Variants in ZHX3 observed in about 807,000 individuals in gnomAD.
The protein encoded by ZHX3 is zinc fingers and homeoboxes 3.
In ZHX3, 20 loss-of-function variants were observed where a neutral mutation model predicts 64.5. The ratio of observed to expected loss-of-function variants is 0.31; its 90% CI spans 0.22 to 0.45. The LOEUF (loss-of-function observed/expected upper bound fraction) is 0.45. Ranked by LOEUF, ZHX3 falls within the 20% of genes least tolerant of loss-of-function variation. The probability of loss-of-function intolerance (pLI) is 1.00; values close to 1 mark genes in which losing one functional copy is unlikely to be tolerated. For missense variants in ZHX3, 1,041 were observed against 1,195.8 expected, an observed-to-expected ratio of 0.87 and a Z score of 1.91; for synonymous variants, 423 against 461.6, an observed-to-expected ratio of 0.92 and a Z score of 1.07.
Position 41,203,100 on chromosome 20 carries a change from T to C in ZHX3, c.1817A>G (p.His606Arg). Residue 606 changes from histidine (H) to arginine (R), a missense_variant, in exon 3 of 4, where the codon CAC becomes CGC. This residue lies in a region of ZHX3 where 649 missense variants were observed against 739.8 expected (regional missense o/e 0.88). Transcript: ENST00000683867. The surrounding 1 kb of genome is among the most constrained non-coding windows in gnomAD (Gnocchi z 7.1). Reference protein sequence around the residue: ...THPSAKRQSWHQTPDFTPTKY... With the variant: ...THPSAKRQSWRQTPDFTPTKY... ...GGTTGGTGTGAAGTCAGGAGTCTGG[T>C]GCCAAGATTGTCGTTTGGCAGAAGG... 6.2e-7 allele frequency: 1 copy of C among 1,614,124 alleles called. No individual in the cohort carries two copies. Among genetic ancestry groups the C allele is most frequent in the Non-Finnish European group, 8.5e-7 (1 of 1,180,006 alleles).
chr20:41,223,776 A>G (rs981342173), intron 2 of ZHX3, among the ~76,000 whole-genome samples: 1 of 152,236 alleles, frequency 6.6e-6, no homozygotes. Context: ...AAATGTTAGC[A>G]TATTTCCCAA....
intron 1 of ZHX3, among the ~76,000 whole-genome samples, chr20:41,307,679 A>G (rs1289904844): frequency 6.6e-6 from 1 of 152,248 alleles, no homozygotes; most frequent in Non-Finnish European, 1.5e-5. Context: ...ATGATGCCTT[A>G]GTAAACATAA....
intron 1 of ZHX3, among the ~76,000 whole-genome samples, chr20:41,302,010 C>T (rs1388525639): frequency 7.3e-6 from 1 of 137,520 alleles, no homozygotes; most frequent in Non-Finnish European, 1.5e-5. Flanking sequence ...GCCGAGACTG[C>T]GCCACTGCAC....
intron 1 of ZHX3, among the ~76,000 whole-genome samples, chr20:41,284,846 C>T (rs1031313038): frequency 6.6e-6 from 1 of 152,156 alleles, no homozygotes; most frequent in Non-Finnish European, 1.5e-5. Context: ...AAGCTCCATC[C>T]TACCCCCTAC....
At chr20:41,221,016 T>C (rs1568847717) in intron 2 of ZHX3, among the ~76,000 whole-genome samples, 1 of 152,036 alleles carries the variant, frequency 6.6e-6, no homozygotes, top group Non-Finnish European at 1.5e-5. Context: ...AAAAACGTGA[T>C]TTTTTGGAAA....
chr20:41,307,826 T>C (rs1322312374), intron 1 of ZHX3, among the ~76,000 whole-genome samples: 1 of 152,232 alleles, frequency 6.6e-6, no homozygotes, highest in African/African-American at 2.4e-5. Context: ...CTCTCTTTCA[T>C]CTGTGATCCT....
At chr20:41,255,032 G>A (rs575908063) in intron 2 of ZHX3, among the ~76,000 whole-genome samples, 8 of 152,188 alleles carry the variant, frequency 5.3e-5, no homozygotes, top group African/African-American at 1.4e-4. Context: ...TCAGAAAAGG[G>A]GAAGAAAAAG....
intron 1 of ZHX3, among the ~76,000 whole-genome samples, chr20:41,304,717 A>G (rs1332640028): frequency 6.6e-6 from 1 of 152,210 alleles, no homozygotes; most frequent in East Asian, 1.9e-4. Flanking sequence ...TGGAGGCAAG[A>G]ATTGCTGTTG....
chr20:41,205,400 A>G (rs2038619338), intron 2 of ZHX3, among the ~76,000 whole-genome samples: 1 of 152,180 alleles, frequency 6.6e-6, no homozygotes, highest in South Asian at 2.1e-4. Context: ...AATTCTGACC[A>G]TGTCAGAGTG....
chr20:41,294,312 A>G lies in ZHX3; in HGVS notation c.-245+23197T>C, dbSNP rs560799676. Among the ~76,000 whole-genome samples, 3 of 152,348 alleles carry G rather than the reference A, an allele frequency of 2.0e-5. No individual in the cohort carries two copies. The East Asian group carries it at 5.8e-4, about 29-fold the overall frequency. ...AAATTTTGTATGTAAATGATGTCATACCTTAAACTTATGAGTAAATGATGT... is the reference window on the plus strand; with the variant it reads ...AAATTTTGTATGTAAATGATGTCATGCCTTAAACTTATGAGTAAATGATGT... On this transcript the variant is annotated intron_variant, in intron 1 of 3. Transcript: ENST00000683867.
chr20:41,282,245 C>A (rs946943750), intron 1 of ZHX3, among the ~76,000 whole-genome samples: 8 of 152,004 alleles, frequency 5.3e-5, no homozygotes, highest in African/African-American at 1.9e-4. Flanking sequence ...ATGCCAAAGG[C>A]AATCACTTAA....
chr20:41,205,797 C>G (rs2038658918), intron 2 of ZHX3, among the ~76,000 whole-genome samples: 1 of 152,180 alleles, frequency 6.6e-6, no homozygotes, highest in Admixed American at 6.5e-5. Flanking sequence ...TGTGTACGAC[C>G]ACTCAAAGGG....
chr20:41,278,306 G>A (rs1158516077), intron 1 of ZHX3, among the ~76,000 whole-genome samples: 2 of 138,044 alleles, frequency 1.4e-5, no homozygotes, highest in Non-Finnish European at 3.2e-5. Flanking sequence ...TTGTGCCACT[G>A]TAACTCCAGC....
rs1314392479 is a variant in ZHX3, at chr20:41,232,412, A to G, written c.-150-27346T>C. ...TCTGAACTCATCTGTTATGCTGGGA[A>G]AGCAGCAAGTGGGTAGGGTGTGTTC... On this transcript the variant is annotated intron_variant, in intron 2 of 3. Transcript: ENST00000683867. This position sits in a 1 kb window ranked among gnomAD's most constrained non-coding sequence, Gnocchi z 5.0. Among the ~76,000 whole-genome samples the G allele has an allele frequency of 6.6e-6, 1 of 152,180 alleles. No homozygotes were observed. Among genetic ancestry groups the G allele is most frequent in the Admixed American group, 6.5e-5 (1 of 15,280 alleles).
intron 2 of ZHX3, among the ~76,000 whole-genome samples, chr20:41,215,442 TA>T (rs2039450908): frequency 6.6e-6 from 1 of 152,134 alleles, no homozygotes; most frequent in Admixed American, 6.5e-5. Context: ...GTTTTTTAGA[TA>T]AAAATCTTAA....
Position 41,202,445 on chromosome 20 carries a change from G to C in ZHX3, c.2472C>G (p.Leu824=). The C allele has an allele frequency of 6.2e-7, 1 of 1,614,202 alleles. No individual in the cohort carries two copies. The highest frequency in any genetic ancestry group is 1.3e-5 in the African/African-American group (1 of 75,060). Residue 824 remains leucine, a synonymous_variant, in exon 3 of 4, where the codon CTC becomes CTG. Transcript: ENST00000683867. The surrounding 1 kb of genome is among the most constrained non-coding windows in gnomAD (Gnocchi z 7.0). ...CTCGCTTATAGTCTTCGTACCATTT[G>C]AGTTGGCCGTTCTTCAGTGCGTACC... The part of the protein sequence containing the change: ...DSRYALKNGQ[L]KWYEDYKRGN...
At chr20:41,231,144 C>T (rs6102314) in intron 2 of ZHX3, among the ~76,000 whole-genome samples, 1,654 of 152,152 alleles carry the variant, frequency 0.011, 32 homozygotes, top group African/African-American at 0.038. Flanking sequence ...GGATTGGCTT[C>T]TTTCACTTAG....
Position 41,184,335 on chromosome 20 carries a change from TA to T in ZHX3, c.*855del, listed in dbSNP as rs531194560. 4.3e-4 allele frequency: 64 copies of T among 149,598 alleles called. No individual in the cohort carries two copies. Among genetic ancestry groups the T allele is most frequent in the African/African-American group, 1.2e-3 (47 of 40,862 alleles). The allele number at this position is 149,598 out of a possible 1,614,324, so 9.3% of individuals were successfully genotyped here. On this transcript the variant is annotated 3_prime_UTR_variant, in exon 4 of 4. Coordinates refer to ENST00000683867, the MANE Select transcript of ZHX3 (RefSeq NM_001384317.1). The stretch of plus-strand genomic sequence containing the variant: ...TCTCTCACTCCAAACATGTCTAGAT[TA>T]AAAAAAAAATGCAGGCACATAGGTC...
chr20:41,240,462 C>T (rs2041306027), intron 2 of ZHX3, among the ~76,000 whole-genome samples: 1 of 152,120 alleles, frequency 6.6e-6, no homozygotes, highest in African/African-American at 2.4e-5. Flanking sequence ...TATTTTGGTA[C>T]AGGCATGTGA....
Sources: gnomAD v4.1 joint callset for allele counts (sites outside exome capture counted in the v4.1 genomes callset) on GRCh38, gnomAD v4.1.1 for gene constraint, gnomAD v4.1.1 regional missense constraint, Gnocchi (gnomAD v3.1) non-coding constraint, MANE v1.5 for transcripts, NCBI Gene and HGNC (gene_info 2026-07-23, HGNC 2026-07-21) for gene names.